Variants in LDOC1 observed in about 807,000 individuals in gnomAD.
The protein encoded by LDOC1 is LDOC1 regulator of NFKB signaling.
A neutral mutation model predicts 4.9 loss-of-function variants in LDOC1; 1 was observed. That is an observed-to-expected ratio of 0.20 (90% CI 0.07 to 0.96). The LOEUF (loss-of-function observed/expected upper bound fraction) is 0.96, where lower values mean the gene tolerates loss of function less well. Ranked by LOEUF, LDOC1 falls within the 40% of genes least tolerant of loss-of-function variation. The pLI, the probability that LDOC1 is intolerant of heterozygous loss-of-function variation, is 0.62. For missense variants in LDOC1, 76 were observed against 128.1 expected (o/e 0.59, Z 1.96); for synonymous variants, 55 against 58.3 (o/e 0.94, Z 0.26).
rs2013615598 is a variant in LDOC1 at position 141,176,440 on chromosome X, AAG to A, written c.*139_*140del. On this transcript the variant is annotated 3_prime_UTR_variant, in exon 1 of 1. Coordinates refer to ENST00000370526, the MANE Select transcript of LDOC1 (RefSeq NM_012317.4). Reference sequence around the variant, plus strand: ...CAAAGACAAGCACTACGGAGAAATGAAGAGAGAGAGCAGACGGGCGCGGGTAG... The same window carrying A: ...CAAAGACAAGCACTACGGAGAAATGAAGAGAGAGCAGACGGGCGCGGGTAG... 4.1e-6 allele frequency: 3 copies of A among 725,955 alleles called. No individual in the cohort carries two copies. The highest frequency in any genetic ancestry group is 7.8e-5 in the Admixed American group (2 of 25,625). The allele number at this position is 725,955 out of a possible 1,213,427, so 59.8% of individuals were successfully genotyped here.
Position 141,176,090 on chromosome X carries a change from C to T in LDOC1, c.*491G>A, listed in dbSNP as rs41312610. 592 of 129,528 alleles carry T rather than the reference C, an allele frequency of 4.6e-3. 2 individuals are homozygous for T. The highest frequency in any genetic ancestry group is 7.9e-3 in the Middle Eastern group (2 of 254). The allele number at this position is 129,528 out of a possible 1,213,427, so 10.7% of individuals were successfully genotyped here. A position where few individuals can be genotyped will look rare whatever the true frequency, so the allele number is the denominator to read the frequency against. On this transcript the variant is annotated 3_prime_UTR_variant, in exon 1 of 1. Transcript: ENST00000370526. Reference sequence around the variant, plus strand: ...AAATCAATGTCTGAAAAGGCATAGCCAACTCTGGCATTTTCCAGGTTGGTC... The same window carrying T: ...AAATCAATGTCTGAAAAGGCATAGCTAACTCTGGCATTTTCCAGGTTGGTC...
chrX:141,174,160 ATCTC>A lies in LDOC1; in HGVS notation c.*2417_*2420del, dbSNP rs1261640824. The stretch of plus-strand genomic sequence containing the variant: ...TCACACATATTATGTCTCAAATATA[ATCTC>A]TCTCTTCCAAGGGGTTTTGTATATT... On this transcript the variant is annotated 3_prime_UTR_variant, in exon 1 of 1. Transcript: ENST00000370526. 9.0e-6 allele frequency among the ~76,000 whole-genome samples: 1 copy of A among 111,389 alleles called. No individual in the cohort carries two copies. Among genetic ancestry groups the A allele is most frequent in the Non-Finnish European group, 1.9e-5 (1 of 53,110 alleles).
At position 141,175,209 on chromosome X, in the gene LDOC1, C is replaced by G. The variant is rs1410470708; in HGVS notation, c.*1372G>C. Among the ~76,000 whole-genome samples the G allele has an allele frequency of 8.9e-6, 1 of 112,097 alleles. No individual in the cohort carries two copies. Among genetic ancestry groups the G allele is most frequent in the African/African-American group, 3.2e-5 (1 of 30,842 alleles). ...AATGTTTGTTAAGATCAGGCTATAT[C>G]TTTATGGGTGCACTTGCCCAGGATC... On this transcript the variant is annotated 3_prime_UTR_variant, in exon 1 of 1. Coordinates refer to ENST00000370526, the MANE Select transcript of LDOC1 (RefSeq NM_012317.4).
At position 141,175,136 on chromosome X, in the gene LDOC1, A is replaced by G. The variant is rs2013602486; in HGVS notation, c.*1445T>C. Among the ~76,000 whole-genome samples, 1 of 112,145 alleles carries G rather than the reference A, an allele frequency of 8.9e-6. No individual in the cohort carries two copies. Among genetic ancestry groups the G allele is most frequent in the Admixed American group, 9.5e-5 (1 of 10,554 alleles). On this transcript the variant is annotated 3_prime_UTR_variant, in exon 1 of 1. Transcript: ENST00000370526. ...TAATTTCCATAGGGAGGAATCTGGG[A>G]CACATCTATGAGTGGGAATTCTAAG...
In LDOC1 at chrX:141,177,065, G is replaced by A. The variant is rs370657476; in HGVS notation, c.-44C>T. The A allele has an allele frequency of 5.1e-6, 5 of 982,821 alleles. No individual in the cohort carries two copies. Among genetic ancestry groups the A allele is most frequent in the Non-Finnish European group, 6.6e-6 (5 of 756,149 alleles). 81.0% of individuals were successfully genotyped at this position (982,821 alleles called of 1,213,427 possible). On this transcript the variant is annotated 5_prime_UTR_variant, in exon 1 of 1. Transcript: ENST00000370526. ...ACAGGACTCGGCTCGGTTCGGCTCG[G>A]CCAAGGTGCGCACGGAGCCCTCGCA... is the stretch of plus-strand genomic sequence containing the variant.
In LDOC1 at chrX:141,177,103, C is replaced by A. The variant is rs1376550978; in HGVS notation, c.-82G>T. Reference sequence around the variant, plus strand: ...CGGAGCCCTCGCAGGAAGTGCGTGTCCACGGAGGCGCTTGGTGGCCAGGGG... The same window carrying A: ...CGGAGCCCTCGCAGGAAGTGCGTGTACACGGAGGCGCTTGGTGGCCAGGGG... On this transcript the variant is annotated 5_prime_UTR_variant, in exon 1 of 1. Transcript: ENST00000370526. 8 of 1,043,335 alleles carry A rather than the reference C, an allele frequency of 7.7e-6. No homozygotes were observed. The highest frequency in any genetic ancestry group is 9.9e-6 in the Non-Finnish European group (8 of 804,060). The allele number at this position is 1,043,335 out of a possible 1,213,427, so 86.0% of individuals were successfully genotyped here. A position where few individuals can be genotyped will look rare whatever the true frequency, so the allele number is the denominator to read the frequency against.
chrX:141,174,834 G>A lies in LDOC1; in HGVS notation c.*1747C>T, dbSNP rs1556282860. Reference sequence around the variant, plus strand: ...TAAAGTCAAGTTGGCTCCAGACATGGTACAATGAGGACATCTGGACAGATA... The same window carrying A: ...TAAAGTCAAGTTGGCTCCAGACATGATACAATGAGGACATCTGGACAGATA... On this transcript the variant is annotated 3_prime_UTR_variant, in exon 1 of 1. Coordinates refer to ENST00000370526, the MANE Select transcript of LDOC1 (RefSeq NM_012317.4). 1.8e-5 allele frequency among the ~76,000 whole-genome samples: 2 copies of A among 112,123 alleles called. No homozygotes were observed. The highest frequency in any genetic ancestry group is 3.8e-5 in the Non-Finnish European group (2 of 53,236).
At position 141,176,424 on chromosome X, in the gene LDOC1, G is replaced by A; in HGVS notation, c.*157C>T. On this transcript the variant is annotated 3_prime_UTR_variant, in exon 1 of 1. Coordinates refer to ENST00000370526, the MANE Select transcript of LDOC1 (RefSeq NM_012317.4). ...AGCGCTATTCCTGGAACAAAGACAA[G>A]CACTACGGAGAAATGAAGAGAGAGA... 1 of 664,965 alleles carries A rather than the reference G, an allele frequency of 1.5e-6. No individual in the cohort carries two copies. The allele number at this position is 664,965 out of a possible 1,213,427, so 54.8% of individuals were successfully genotyped here.
rs1243824695 is a variant in LDOC1, at chrX:141,174,557, T to C, written c.*2024A>G. On this transcript the variant is annotated 3_prime_UTR_variant, in exon 1 of 1. Transcript: ENST00000370526. ...TAAAGCCAGGCTCAGAGTCAGAGAC[T>C]TGCTTTCTGAGACTTCTGTTCCCTG... Among the ~76,000 whole-genome samples the C allele has an allele frequency of 8.9e-6, 1 of 112,041 alleles. No individual in the cohort carries two copies. The highest frequency in any genetic ancestry group is 3.2e-5 in the African/African-American group (1 of 30,794).
At position 141,176,458 on chromosome X, in the gene LDOC1, G is replaced by A; in HGVS notation, c.*123C>T. The stretch of plus-strand genomic sequence containing the variant: ...AGAAATGAAGAGAGAGAGCAGACGG[G>A]CGCGGGTAGGTAAGGGGACCGGAGG... On this transcript the variant is annotated 3_prime_UTR_variant, in exon 1 of 1. Transcript: ENST00000370526. 1.2e-6 allele frequency: 1 copy of A among 854,042 alleles called. No individual in the cohort carries two copies. Among genetic ancestry groups the A allele is most frequent in the South Asian group, 2.6e-5 (1 of 38,717 alleles). 70.4% of individuals were successfully genotyped at this position (854,042 alleles called of 1,213,427 possible).
rs145657395 is a variant in LDOC1, at chrX:141,173,828, A to G, written c.*2753T>C. The stretch of plus-strand genomic sequence containing the variant: ...CTCATATGTCCTCAACTTCCACCCC[A>G]GAAAGGTCATTCCCAGATCTAATCA... On this transcript the variant is annotated 3_prime_UTR_variant, in exon 1 of 1. Transcript: ENST00000370526. Among the ~76,000 whole-genome samples the G allele has an allele frequency of 6.5e-3, 725 of 111,881 alleles. 9 individuals are homozygous for G. Among genetic ancestry groups the G allele is most frequent in the African/African-American group, 0.023 (695 of 30,780 alleles).
rs782397065 is a variant in LDOC1 at position 141,176,666 on chromosome X, C to T, written c.356G>A (p.Arg119Gln). The T allele has an allele frequency of 3.3e-6, 4 of 1,211,912 alleles. No homozygotes were observed. The highest frequency in any genetic ancestry group is 4.5e-6 in the Non-Finnish European group (4 of 895,476). The change falls in exon 1 of 1, where the codon CGG becomes CAG. Residue 119 changes from arginine (R) to glutamine (Q), a missense_variant. By Grantham distance (43) the Arg-to-Gln change is conservative (BLOSUM62 1). Coordinates refer to ENST00000370526, the MANE Select transcript of LDOC1 (RefSeq NM_012317.4). The part of the protein sequence containing the change: ...EMDSPILGDY[R>Q]AFLDEMKQCF... ...CTGTTTCATCTCATCGAGGAAGGCC[C>T]GGTAATCACCTAGGATGGGGCTATC...
chrX:141,176,489 G>C lies in LDOC1; in HGVS notation c.*92C>G. 9.1e-7 allele frequency: 1 copy of C among 1,095,477 alleles called. No individual in the cohort carries two copies. The allele number at this position is 1,095,477 out of a possible 1,213,427, so 90.3% of individuals were successfully genotyped here. On this transcript the variant is annotated 3_prime_UTR_variant, in exon 1 of 1. Transcript: ENST00000370526. ...GTAGGTAAGGGGACCGGAGGGCAAG[G>C]GGGAGAGCAGTGGCTCCTGGCGGGG...
In LDOC1 at chrX:141,176,473, G is replaced by A. The variant is rs782490542; in HGVS notation, c.*108C>T. The A allele has an allele frequency of 1.5e-4, 152 of 999,402 alleles. No individual in the cohort carries two copies. The African/African-American group carries it at 2.7e-3, about 18-fold the overall frequency. The allele number at this position is 999,402 out of a possible 1,213,427, so 82.4% of individuals were successfully genotyped here. On this transcript the variant is annotated 3_prime_UTR_variant, in exon 1 of 1. Transcript: ENST00000370526. ...GAGCAGACGGGCGCGGGTAGGTAAG[G>A]GGACCGGAGGGCAAGGGGGAGAGCA... is the stretch of plus-strand genomic sequence containing the variant.
chrX:141,176,074 T>C lies in LDOC1; in HGVS notation c.*507A>G, dbSNP rs782421077. The C allele has an allele frequency of 7.2e-5, 9 of 125,525 alleles. No homozygotes were observed. Among genetic ancestry groups the C allele is most frequent in the Non-Finnish European group, 1.3e-4 (8 of 60,421 alleles). 10.3% of individuals were successfully genotyped at this position (125,525 alleles called of 1,213,427 possible). A position where few individuals can be genotyped will look rare whatever the true frequency, so the allele number is the denominator to read the frequency against. The stretch of plus-strand genomic sequence containing the variant: ...GGTTGGTGAGCTGTCCAAATCAATG[T>C]CTGAAAAGGCATAGCCAACTCTGGC... On this transcript the variant is annotated 3_prime_UTR_variant, in exon 1 of 1. Coordinates refer to ENST00000370526, the MANE Select transcript of LDOC1 (RefSeq NM_012317.4).
At position 141,174,105 on chromosome X, in the gene LDOC1, T is replaced by A. The variant is rs1556282729; in HGVS notation, c.*2476A>T. 8.9e-6 allele frequency among the ~76,000 whole-genome samples: 1 copy of A among 112,219 alleles called. No individual in the cohort carries two copies. The highest frequency in any genetic ancestry group is 1.9e-5 in the Non-Finnish European group (1 of 53,265). On this transcript the variant is annotated 3_prime_UTR_variant, in exon 1 of 1. Transcript: ENST00000370526. ...ATTTATCCCCAATTCAAGGCCTTTC[T>A]AGTTAGGAAGAAAGTGTAATTATCT...
At position 141,176,168 on chromosome X, in the gene LDOC1, G is replaced by A; in HGVS notation, c.*413C>T. ...GTGGGATGTGGTGAGTGGATGTGAA[G>A]TGGCAGCATAGTTCTCTGGGAAGAT... On this transcript the variant is annotated 3_prime_UTR_variant, in exon 1 of 1. Transcript: ENST00000370526. The A allele has an allele frequency of 5.5e-6, 1 of 181,855 alleles. No individual in the cohort carries two copies. The highest frequency in any genetic ancestry group is 1.0e-5 in the Non-Finnish European group (1 of 96,441). 15.0% of individuals were successfully genotyped at this position (181,855 alleles called of 1,213,427 possible). A position where few individuals can be genotyped will look rare whatever the true frequency, so the allele number is the denominator to read the frequency against.
In LDOC1 at chrX:141,177,042, A is replaced by G. The variant is rs373033238; in HGVS notation, c.-21T>C. 3 of 1,156,223 alleles carry G rather than the reference A, an allele frequency of 2.6e-6. No individual in the cohort carries two copies. Among genetic ancestry groups the G allele is most frequent in the Non-Finnish European group, 2.3e-6 (2 of 862,079 alleles). On this transcript the variant is annotated 5_prime_UTR_variant, in exon 1 of 1. Coordinates refer to ENST00000370526, the MANE Select transcript of LDOC1 (RefSeq NM_012317.4). Reference sequence around the variant, plus strand: ...ACCATTGCGAACGGCCTGGAAGGACAGGACTCGGCTCGGTTCGGCTCGGCC... The same window carrying G: ...ACCATTGCGAACGGCCTGGAAGGACGGGACTCGGCTCGGTTCGGCTCGGCC...
rs1340132616 is a variant in LDOC1, at chrX:141,175,040, G to T, written c.*1541C>A. On this transcript the variant is annotated 3_prime_UTR_variant, in exon 1 of 1. Transcript: ENST00000370526. ...CCCTTCACTGCTCTGAACCCTCCAGGCCCAGAGATCTCAGCATAGCCCCTA... is the reference window on the plus strand; with the variant it reads ...CCCTTCACTGCTCTGAACCCTCCAGTCCCAGAGATCTCAGCATAGCCCCTA... Among the ~76,000 whole-genome samples, 1 of 111,365 alleles carries T rather than the reference G, an allele frequency of 9.0e-6. No homozygotes were observed. The highest frequency in any genetic ancestry group is 1.9e-5 in the Non-Finnish European group (1 of 53,045).
Sources: gnomAD v4.1 joint callset for allele counts (sites outside exome capture counted in the v4.1 genomes callset) on GRCh38, gnomAD v4.1.1 for gene constraint, MANE v1.5 for transcripts, NCBI Gene and HGNC (gene_info 2026-07-23, HGNC 2026-07-21) for gene names.